The following KAT14 variants were observed in gnomAD, a reference collection of about 807,000 sequenced individuals.
The protein encoded by KAT14 is cysteine-rich protein 2-binding protein.
A neutral mutation model predicts 78.4 loss-of-function variants in KAT14; 66 were observed. The ratio of observed to expected loss-of-function variants is 0.84; its 90% CI spans 0.69 to 1.03. The LOEUF is 1.03. Ranked by LOEUF, KAT14 falls within the 50% of genes least tolerant of loss-of-function variation. The pLI is 0.00. For synonymous variants in KAT14, 344 were observed against 359.4 expected (o/e 0.96, Z 0.48); for missense variants, 870 against 972.5 (o/e 0.89, Z 1.40).
upstream of KAT14, chr20:18,137,770 C>G (rs1163868875): frequency 1.9e-6 from 1 of 538,550 alleles, no homozygotes; most frequent in Non-Finnish European, 3.0e-6. Context: ...GTTCGTAGAG[C>G]CTGGGCGCCG....
At chr20:18,145,392 C>T (rs780237676) in intron 3 of KAT14, 41 bp downstream of exon 3, 5 of 1,605,194 alleles carry the variant, frequency 3.1e-6, no homozygotes, top group African/African-American at 1.3e-5. Context: ...AGGGTGGTTC[C>T]CCCAGGAGTT....
chr20:18,142,524 A>G lies in KAT14; in HGVS notation c.-137A>G. The G allele has an allele frequency of 2.0e-6, 3 of 1,477,460 alleles. No individual in the cohort carries two copies. The highest frequency in any genetic ancestry group is 2.7e-6 in the Non-Finnish European group (3 of 1,114,896). 91.5% of individuals were successfully genotyped at this position (1,477,460 alleles called of 1,614,324 possible). The stretch of plus-strand genomic sequence containing the variant: ...AGTTACTGCTTTCAGGGTCCCTTAT[A>G]TCTGAATAAAGGAGTGTGGGCAGAC... On this transcript the variant is annotated 5_prime_UTR_variant, in exon 2 of 11. The change creates a new upstream start codon in the 5' untranslated region. Transcript: ENST00000688188.
intron 6 of KAT14, 34 bp downstream of exon 6, chr20:18,162,273 G>T (rs2038457600): frequency 1.2e-6 from 2 of 1,612,458 alleles, no homozygotes; most frequent in African/African-American, 2.7e-5. Context: ...TTTTATTTTG[G>T]GTATGGGCCA....
intron 7 of KAT14, among the ~76,000 whole-genome samples, chr20:18,173,353 C>T (rs1470034273): frequency 6.6e-6 from 1 of 152,234 alleles, no homozygotes; most frequent in African/African-American, 2.4e-5. Flanking sequence ...CTGTGATTCT[C>T]TTTCTCTCCA....
intron 2 of KAT14, 78 bp from the exon 3 acceptor site, chr20:18,145,155 G>T: frequency 6.6e-7 from 1 of 1,508,544 alleles, no homozygotes; most frequent in Non-Finnish European, 8.9e-7. Flanking sequence ...AGGAAAATCT[G>T]GGTGATAAAC....
chr20:18,170,059 A>C (rs995744934), intron 7 of KAT14, among the ~76,000 whole-genome samples: 7 of 152,242 alleles, frequency 4.6e-5, no homozygotes, highest in Non-Finnish European at 8.8e-5. Context: ...GTTGGAAGCT[A>C]TCAGAGGTTG....
At chr20:18,137,294 T>TATAATAATA (rs71194227), upstream of KAT14, among the ~76,000 whole-genome samples, 8 of 150,190 alleles carry the variant, frequency 5.3e-5, no homozygotes, top group Non-Finnish European at 8.9e-5. Context: ...GTATCAAAAT[T>TATAATAATA]ATAATAATAA....
At chr20:18,176,906 T>A (rs551084275) in intron 7 of KAT14, among the ~76,000 whole-genome samples, 35 of 152,182 alleles carry the variant, frequency 2.3e-4, no homozygotes, top group Non-Finnish European at 4.0e-4. Flanking sequence ...GAGAGACCAA[T>A]GGGAGGCAGT....
At chr20:18,166,026 G>A (rs550661244) in intron 7 of KAT14, among the ~76,000 whole-genome samples, 61 of 152,300 alleles carry the variant, frequency 4.0e-4, no homozygotes, top group Admixed American at 8.5e-4. Flanking sequence ...AGGACTTAAG[G>A]ATGATAGCCT....
Position 18,159,211 on chromosome 20 carries a change from C to G in KAT14, c.628C>G (p.Pro210Ala), listed in dbSNP as rs1281182826. The change falls in exon 5 of 11, where the codon CCA becomes GCA. Residue 210 changes from proline (P) to alanine (A), a missense_variant. Physicochemically the swap from Pro to Ala is conservative, Grantham distance 27 (BLOSUM62 -1). Transcript: ENST00000688188. ...GWWKLVHNKP[P>A]TMKPEGEKLS... Reference sequence around the variant, plus strand: ...GTGGAAACTTGTTCATAACAAGCCCCCAACGATGAAACCTGAAGGAGAGAA... The same window carrying G: ...GTGGAAACTTGTTCATAACAAGCCCGCAACGATGAAACCTGAAGGAGAGAA... 2.5e-6 allele frequency: 4 copies of G among 1,614,036 alleles called. No individual in the cohort carries two copies. The Admixed American group carries it at 6.7e-5, about 27-fold the overall frequency.
At chr20:18,185,081 G>A (rs546874731) in intron 10 of KAT14, among the ~76,000 whole-genome samples, 1 of 152,270 alleles carries the variant, frequency 6.6e-6, no homozygotes, top group Admixed American at 6.5e-5. Flanking sequence ...AGAGCTTTAG[G>A]GTGGACTATT....
chr20:18,174,940 C>T (rs1366287284), intron 7 of KAT14, among the ~76,000 whole-genome samples: 1 of 152,132 alleles, frequency 6.6e-6, no homozygotes, highest in Admixed American at 6.5e-5. Flanking sequence ...GTTGGGATTA[C>T]AGGCATGAGC....
intron 9 of KAT14, 117 bp from the exon 10 acceptor site, chr20:18,184,485 G>GTTTTT: frequency 2.2e-5 from 13 of 602,010 alleles, no homozygotes; most frequent in South Asian, 5.9e-5. Context: ...CAGTTTTGGT[G>GTTTTT]TTTTTTTTTT....
At chr20:18,168,075 C>G (rs2038714084) in intron 7 of KAT14, among the ~76,000 whole-genome samples, 1 of 152,056 alleles carries the variant, frequency 6.6e-6, no homozygotes, top group African/African-American at 2.4e-5. Flanking sequence ...ATTTTGAAAA[C>G]TTATACGACT....
chr20:18,185,912 G>A (rs1357198752), intron 10 of KAT14, among the ~76,000 whole-genome samples: 1 of 152,190 alleles, frequency 6.6e-6, no homozygotes, highest in Non-Finnish European at 1.5e-5. Flanking sequence ...CACTCACTGA[G>A]TAATTAATAT....
At chr20:18,144,681 A>C (rs963102788) in intron 2 of KAT14, among the ~76,000 whole-genome samples, 11 of 152,234 alleles carry the variant, frequency 7.2e-5, no homozygotes, top group African/African-American at 2.4e-4. Context: ...GCTCTGCTTC[A>C]GAAATTGATG....
chr20:18,178,694 T>C (rs538956188), intron 7 of KAT14, among the ~76,000 whole-genome samples: 6 of 152,300 alleles, frequency 3.9e-5, no homozygotes, highest in African/African-American at 1.4e-4. Flanking sequence ...GTGGGAATTA[T>C]GGGAATACAA....
chr20:18,172,971 C>T (rs1418132855), intron 7 of KAT14, among the ~76,000 whole-genome samples: 1 of 152,128 alleles, frequency 6.6e-6, no homozygotes, highest in African/African-American at 2.4e-5. Context: ...AGTTTTCTCT[C>T]CGGTCAGCTG....
Position 18,162,486 on chromosome 20 carries a change from C to A in KAT14, c.1209C>A (p.Val403=). Residue 403 remains valine (V), a synonymous_variant, in exon 7 of 11, where the codon GTC becomes GTA. Coordinates refer to ENST00000688188, the MANE Select transcript of KAT14 (RefSeq NM_001392073.1). ...CAGTGGTTGGGGTCAGAAAGAAGGT[C>A]AGAGGCCCTGAACAGATAAAGCAGG... ...SGPVVGVRKK[V]RGPEQIKQEV... 2.5e-6 allele frequency: 4 copies of A among 1,614,006 alleles called. No individual in the cohort carries two copies. The highest frequency in any genetic ancestry group is 1.3e-5 in the African/African-American group (1 of 74,984).
Sources: allele counts gnomAD v4.1 joint callset (sites outside exome capture counted in the v4.1 genomes callset), GRCh38; gene constraint gnomAD v4.1.1; transcripts MANE v1.5; gene names NCBI Gene and HGNC (gene_info 2026-07-23, HGNC 2026-07-21).